CST6: variants seen among roughly 807,000 people sequenced by gnomAD.
CST6 encodes the protein cystatin-M.
A neutral mutation model predicts 10.7 loss-of-function variants in CST6; 8 were observed. The observed-to-expected ratio is 0.75, with a 90% CI of 0.44 to 1.34. CST6 has a LOEUF of 1.34. Among genes scored for constraint, CST6 ranks in the 40% most tolerant of loss-of-function variants. The pLI is 0.01. For missense variants in CST6, 206 were observed against 205.1 expected (o/e 1.00, Z -0.03); for synonymous variants, 100 against 89.3 (o/e 1.12, Z -0.68).
chr11:66,012,843 G>C lies in CST6; in HGVS notation c.258G>C (p.Lys86Asn). The change falls in exon 2 of 3, where the codon AAG (lysine) becomes AAC (asparagine). Residue 86 changes from lysine to asparagine, a missense_variant. Physicochemically the swap from Lys to Asn is moderately conservative, Grantham distance 94. Coordinates refer to ENST00000312134, the MANE Select transcript of CST6 (RefSeq NM_001323.4). ...KAQSQLVAGIKYFLTMEMGST... is the reference protein window; with the variant it reads ...KAQSQLVAGINYFLTMEMGST... ...GCCCCCAGCTGGTGGCCGGCATCAA[G>C]TACTTCCTGACGATGGAGATGGGGA... 3.7e-6 allele frequency: 6 copies of C among 1,607,644 alleles called. No homozygotes were observed. The highest frequency in any genetic ancestry group is 5.1e-6 in the Non-Finnish European group (6 of 1,174,958).
rs369246106 is a variant in CST6 at position 66,012,154 on chromosome 11, A to T, written c.110A>T (p.Glu37Val). 748 of 1,556,988 alleles carry T rather than the reference A, an allele frequency of 4.8e-4. 1 individual carries two copies. Among genetic ancestry groups the T allele is most frequent in the Non-Finnish European group, 6.1e-4 (708 of 1,154,684 alleles). The change falls in exon 1 of 3, where the codon GAA becomes GTA. Residue 37 changes from glutamate (E) to valine (V), a missense_variant. Physicochemically the swap from Glu to Val is moderately radical, Grantham distance 121 (BLOSUM62 -2). Coordinates refer to ENST00000312134, the MANE Select transcript of CST6 (RefSeq NM_001323.4). ...RARPQERMVGELRDLSPDDPQ... is the reference protein window; with the variant it reads ...RARPQERMVGVLRDLSPDDPQ... ...CGGCCGCAGGAGCGCATGGTCGGAG[A>T]ACTCCGGGACCTGTCGCCCGACGAC...
rs772014084 is a variant in CST6, at chr11:66,012,280, G to A, written c.236G>A (p.Ser79Asn). The stretch of plus-strand genomic sequence containing the variant: ...GACACGCACATCATCAAGGCGCAGA[G>A]CCAGGTGCGGCGGGCGGGGTGCTGG... ...FRDTHIIKAQ[S>N]QLVAGIKYFL... Residue 79 changes from serine to asparagine, a missense_variant, in exon 1 of 3, where the codon AGC (serine) becomes AAC (asparagine). Physicochemically the swap from Ser to Asn is conservative, Grantham distance 46. Transcript: ENST00000312134. The A allele has an allele frequency of 3.6e-5, 57 of 1,594,254 alleles. No individual in the cohort carries two copies. The highest frequency in any genetic ancestry group is 4.8e-5 in the Non-Finnish European group (56 of 1,167,096).
At position 66,012,850 on chromosome 11, in the gene CST6, C is replaced by T. The variant is rs1301858803; in HGVS notation, c.265C>T (p.Leu89=). The T allele has an allele frequency of 1.2e-6, 2 of 1,609,472 alleles. No individual in the cohort carries two copies. Among genetic ancestry groups the T allele is most frequent in the Non-Finnish European group, 1.7e-6 (2 of 1,176,358 alleles). The change falls in exon 2 of 3, where the codon CTG becomes TTG. Residue 89 remains leucine, a synonymous_variant. Coordinates refer to ENST00000312134, the MANE Select transcript of CST6 (RefSeq NM_001323.4). Reference sequence around the variant, plus strand: ...GCTGGTGGCCGGCATCAAGTACTTCCTGACGATGGAGATGGGGAGCACAGA... The same window carrying T: ...GCTGGTGGCCGGCATCAAGTACTTCTTGACGATGGAGATGGGGAGCACAGA... ...SQLVAGIKYF[L]TMEMGSTDCR...
chr11:66,013,259 G>C, intron 2 of CST6, 58 bp from the exon 3 acceptor site: 1 of 1,490,228 alleles, frequency 6.7e-7, no homozygotes, highest in Admixed American at 1.7e-5. Context: ...CTGGCTGTTG[G>C]GAGGAGACAG....
Position 66,013,405 on chromosome 11 carries a change from TC to T in CST6, c.*9del. ...CACAACTGTGTGCAGATGTGATAAG[TC>T]CCCGAGGGCGAAGGCCATTGGGTTT... On this transcript the variant is annotated 3_prime_UTR_variant, in exon 3 of 3. Transcript: ENST00000312134. 6.2e-7 allele frequency: 1 copy of T among 1,613,634 alleles called. No individual in the cohort carries two copies. The highest frequency in any genetic ancestry group is 8.5e-7 in the Non-Finnish European group (1 of 1,179,556).
Position 66,012,099 on chromosome 11 carries a change from C to A in CST6, c.55C>A (p.Leu19Ile). ...GGGCCTGGCCCTGGTCGCATTCTGC[C>A]TCCTGGCGCTGCCACGCGACGCCCG... ...ALGLALVAFCLLALPRDARAR... is the reference protein window; with the variant it reads ...ALGLALVAFCILALPRDARAR... The change falls in exon 1 of 3, where the codon CTC becomes ATC. Residue 19 changes from leucine to isoleucine, a missense_variant. By Grantham distance (5) the Leu-to-Ile change is conservative (BLOSUM62 2). Coordinates refer to ENST00000312134, the MANE Select transcript of CST6 (RefSeq NM_001323.4). 6.4e-7 allele frequency: 1 copy of A among 1,563,258 alleles called. No homozygotes were observed. The highest frequency in any genetic ancestry group is 8.6e-7 in the Non-Finnish European group (1 of 1,162,610).
Position 66,012,267 on chromosome 11 carries a change from A to G in CST6, c.223A>G (p.Ile75Val), listed in dbSNP as rs951062730. The change falls in exon 1 of 3, where the codon ATC (isoleucine) becomes GTC (valine). Residue 75 changes from isoleucine to valine, a missense_variant. Physicochemically the swap from Ile to Val is conservative, Grantham distance 29 (BLOSUM62 3). Coordinates refer to ENST00000312134, the MANE Select transcript of CST6 (RefSeq NM_001323.4). The stretch of plus-strand genomic sequence containing the variant: ...CTACTACTTCCGAGACACGCACATC[A>G]TCAAGGCGCAGAGCCAGGTGCGGCG... ...SIYYFRDTHI[I>V]KAQSQLVAGI... is the part of the protein sequence containing the mutation. 2 of 1,603,450 alleles carry G rather than the reference A, an allele frequency of 1.2e-6. No homozygotes were observed.
chr11:66,012,916 A>G lies in CST6; in HGVS notation c.331A>G (p.Thr111Ala), dbSNP rs374217206. ...GGTCACTGGAGACCACGTCGACCTC[A>G]CCACTTGCCCCCTGGCAGCAGGGGC... ...TRVTGDHVDL[T>A]TCPLAAGAQQ... The change falls in exon 2 of 3, where the codon ACC (threonine) becomes GCC (alanine). Residue 111 changes from threonine to alanine, a missense_variant. Physicochemically the swap from Thr to Ala is moderately conservative, Grantham distance 58. Coordinates refer to ENST00000312134, the MANE Select transcript of CST6 (RefSeq NM_001323.4). 10 of 1,613,046 alleles carry G rather than the reference A, an allele frequency of 6.2e-6. No individual in the cohort carries two copies. The highest frequency in any genetic ancestry group is 8.5e-6 in the Non-Finnish European group (10 of 1,179,624).
rs993255608 is a variant in CST6 at position 66,012,056 on chromosome 11, G to C, written c.12G>C (p.Ser4=). Reference sequence around the variant, plus strand: ...CGGCACTGACGGCCATGGCGCGTTCGAACCTCCCGCTGGCGCTGGGCCTGG... The same window carrying C: ...CGGCACTGACGGCCATGGCGCGTTCCAACCTCCCGCTGGCGCTGGGCCTGG... MAR[S]NLPLALGLAL... The change falls in exon 1 of 3, where the codon TCG becomes TCC. Residue 4 remains serine, a synonymous_variant. Coordinates refer to ENST00000312134, the MANE Select transcript of CST6 (RefSeq NM_001323.4). 1.9e-6 allele frequency: 3 copies of C among 1,559,982 alleles called. No individual in the cohort carries two copies. The highest frequency in any genetic ancestry group is 1.7e-6 in the Non-Finnish European group (2 of 1,160,640).
Position 66,012,140 on chromosome 11 carries a change from G to A in CST6, c.96G>A (p.Glu32=). The A allele has an allele frequency of 6.4e-7, 1 of 1,552,452 alleles. No individual in the cohort carries two copies. ...LPRDARARPQ[E]RMVGELRDLS... ...GCGACGCCCGGGCCCGGCCGCAGGA[G>A]CGCATGGTCGGAGAACTCCGGGACC... Residue 32 remains glutamate (E), a synonymous_variant, in exon 1 of 3, where the codon GAG becomes GAA. Transcript: ENST00000312134.
At chr11:66,012,671 C>CG (rs1856180611) in intron 1 of CST6, among the ~76,000 whole-genome samples, 155 bp from the exon 2 acceptor site, 1 of 14,060 alleles carries the variant, frequency 7.1e-5, no homozygotes, top group Non-Finnish European at 1.7e-4. Context: ...AACTCCCCCC[C>CG]CCACCCCCCC....
At chr11:66,012,610 G>A (rs375475327) in intron 1 of CST6, among the ~76,000 whole-genome samples, 3 of 150,860 alleles carry the variant, frequency 2.0e-5, no homozygotes, top group South Asian at 4.2e-4. Flanking sequence ...GTCTGCCAAG[G>A]CTGCTGGTGG....
Position 66,012,730 on chromosome 11 carries a change from C to T in CST6, c.241-96C>T, listed in dbSNP as rs565289164. On this transcript the variant is annotated intron_variant, in intron 1 of 2. Coordinates refer to ENST00000312134, the MANE Select transcript of CST6 (RefSeq NM_001323.4). ...ATCATCCCCTCTCCCTCTCTCCCCACCTGAGTGCCTGGGGGCAACAGGAGA... is the reference window on the plus strand; with the variant it reads ...ATCATCCCCTCTCCCTCTCTCCCCATCTGAGTGCCTGGGGGCAACAGGAGA... The T allele has an allele frequency of 2.0e-4, 214 of 1,068,608 alleles. 1 individual carries two copies. In the Middle Eastern group the frequency reaches 2.7e-3, roughly 14 times the overall value. The allele number at this position is 1,068,608 out of a possible 1,614,324, so 66.2% of individuals were successfully genotyped here. A position where few individuals can be genotyped will look rare whatever the true frequency, so the allele number is the denominator to read the frequency against.
intron 2 of CST6, 152 bp downstream of exon 2, chr11:66,013,103 G>A: frequency 8.6e-7 from 1 of 1,169,572 alleles, no homozygotes; most frequent in Non-Finnish European, 1.2e-6. Context: ...GGCCAAGATG[G>A]GGTGCAGAAA....
intron 1 of CST6, among the ~76,000 whole-genome samples, chr11:66,012,532 G>C (rs1308418270): frequency 2.0e-5 from 3 of 152,128 alleles, no homozygotes; most frequent in Non-Finnish European, 4.4e-5. Context: ...TGCCCTGATG[G>C]GGTGGATCGG....
intron 2 of CST6, 118 bp from the exon 3 acceptor site, chr11:66,013,199 G>T: frequency 9.6e-7 from 1 of 1,039,802 alleles, no homozygotes; most frequent in Admixed American, 1.7e-5. Flanking sequence ...ACATCCGTTG[G>T]GTCAGTGATT....
chr11:66,013,004 G>C (rs1183285754), intron 2 of CST6, 53 bp downstream of exon 2: 2 of 1,602,928 alleles, frequency 1.2e-6, no homozygotes, highest in Non-Finnish European at 1.7e-6. Context: ...CAGGCACTCA[G>C]GTTGTCCATC....
chr11:66,013,006 T>C, intron 2 of CST6, 55 bp downstream of exon 2: 1 of 1,599,216 alleles, frequency 6.3e-7, no homozygotes, highest in Non-Finnish European at 8.5e-7. Flanking sequence ...GGCACTCAGG[T>C]TGTCCATCCT....
chr11:66,012,662 A>ACCC (rs1306316798), intron 1 of CST6, among the ~76,000 whole-genome samples, 164 bp from the exon 2 acceptor site: 14 of 11,660 alleles, frequency 1.2e-3, no homozygotes, highest in South Asian at 7.5e-3. Context: ...CCCCACCAGA[A>ACCC]CTCCCCCCCC....
Sources: gnomAD v4.1 joint callset for allele counts (sites outside exome capture counted in the v4.1 genomes callset) on GRCh38, gnomAD v4.1.1 for gene constraint, MANE v1.5 for transcripts, NCBI Gene and HGNC (gene_info 2026-07-23, HGNC 2026-07-21) for gene names.